Variants in KIAA2012 observed in about 807,000 individuals in gnomAD.
KIAA2012 encodes the protein KIAA2012.
A neutral mutation model predicts 150.6 loss-of-function variants in KIAA2012; 125 were observed. The observed-to-expected ratio is 0.83, with a 90% CI of 0.72 to 0.96. KIAA2012 has a LOEUF of 0.96. Among genes scored for constraint, KIAA2012 ranks in the 40% least tolerant of loss-of-function variants. The pLI is 0.00. For synonymous variants in KIAA2012, 462 were observed against 504.7 expected, an observed-to-expected ratio of 0.92 and a Z score of 1.13; for missense variants, 1,219 against 1,354.9, an observed-to-expected ratio of 0.90 and a Z score of 1.57.
intron 12 of KIAA2012, among the ~76,000 whole-genome samples, chr2:202,133,564 T>C (rs903247167): frequency 6.6e-6 from 1 of 152,216 alleles, no homozygotes; most frequent in Non-Finnish European, 1.5e-5. Flanking sequence ...GGTACTTCCA[T>C]ATTTAAATTC....
Position 202,113,421 on chromosome 2 carries a change from A to G in KIAA2012, c.1737A>G (p.Gln579=), listed in dbSNP as rs1164572949. Residue 579 remains glutamine, a synonymous_variant, in exon 11 of 24, where the codon CAA becomes CAG. Transcript: ENST00000498697. ...GCCTGTCCCTCCCAGGGCATACCCA[A>G]ACCGAGGCGCTTCCATCGGGTAAAG... ...KVCLSLPGHT[Q]TEALPSGKAY... 6.5e-7 allele frequency: 1 copy of G among 1,550,032 alleles called. No homozygotes were observed. The highest frequency in any genetic ancestry group is 1.2e-5 in the South Asian group (1 of 84,022).
intron 14 of KIAA2012, among the ~76,000 whole-genome samples, chr2:202,159,080 C>T (rs1691597949): frequency 6.6e-6 from 1 of 152,178 alleles, no homozygotes. Flanking sequence ...TGAGACCAGT[C>T]CCAAGCATTA....
chr2:202,109,868 T>A (rs1690301637), intron 10 of KIAA2012, 79 bp downstream of exon 10: 1 of 1,330,320 alleles, frequency 7.5e-7, no homozygotes, highest in Admixed American at 2.9e-5. Flanking sequence ...GCTGCTATGA[T>A]GTAAGTTTTC....
chr2:202,173,615 T>C (rs1454706119), intron 15 of KIAA2012, among the ~76,000 whole-genome samples: 2 of 152,162 alleles, frequency 1.3e-5, no homozygotes, highest in Non-Finnish European at 1.5e-5. Context: ...ATCTCACTTA[T>C]GATCAAACAT....
At chr2:202,120,284 G>A (rs1690626465) in intron 11 of KIAA2012, among the ~76,000 whole-genome samples, 1 of 152,192 alleles carries the variant, frequency 6.6e-6, no homozygotes, top group African/African-American at 2.4e-5. Flanking sequence ...GCTGAGGTGG[G>A]AGTATTGCTT....
chr2:202,194,485 T>G, intron 21 of KIAA2012, 123 bp downstream of exon 21: 2 of 1,018,670 alleles, frequency 2.0e-6, no homozygotes, highest in East Asian at 2.7e-5. Flanking sequence ...CTAAATAATA[T>G]AAACTATTTT....
Position 202,074,953 on chromosome 2 carries a change from C to A in KIAA2012, c.147C>A (p.Asn49Lys), listed in dbSNP as rs1689289836. 1 of 1,551,042 alleles carries A rather than the reference C, an allele frequency of 6.4e-7. No homozygotes were observed. The highest frequency in any genetic ancestry group is 8.7e-7 in the Non-Finnish European group (1 of 1,147,096). Reference sequence around the variant, plus strand: ...CTGTCAGCAAACCTCAAGATAAGAACAATGCCAGTCAGCACTCCTGGAGCC... The same window carrying A: ...CTGTCAGCAAACCTCAAGATAAGAAAAATGCCAGTCAGCACTCCTGGAGCC... ...YVPVSKPQDK[N>K]NASQHSWSLF... Residue 49 changes from asparagine to lysine, a missense_variant, in exon 2 of 24, where the codon AAC (asparagine) becomes AAA (lysine). Physicochemically the swap from Asn to Lys is moderately conservative, Grantham distance 94. Coordinates refer to ENST00000498697, the MANE Select transcript of KIAA2012 (RefSeq NM_001277372.4).
At chr2:202,152,748 G>T (rs981635210) in intron 13 of KIAA2012, among the ~76,000 whole-genome samples, 1 of 152,156 alleles carries the variant, frequency 6.6e-6, no homozygotes, top group Non-Finnish European at 1.5e-5. Context: ...TTTATCTCTA[G>T]CCACATTTCA....
Position 202,105,741 on chromosome 2 carries a change from G to GC in KIAA2012, c.1325-18dup. 6.5e-7 allele frequency: 1 copy of GC among 1,547,678 alleles called. No individual in the cohort carries two copies. The highest frequency in any genetic ancestry group is 2.0e-5 in the Admixed American group (1 of 50,892). On this transcript the variant is annotated intron_variant, in intron 8 of 23. Coordinates refer to ENST00000498697, the MANE Select transcript of KIAA2012 (RefSeq NM_001277372.4). ...AACAACAGACCTCTGCTACAATTCAGCCTCCTCTTTGTCTCCTAGGTGCTC... is the reference window on the plus strand; with the variant it reads ...AACAACAGACCTCTGCTACAATTCAGCCCTCCTCTTTGTCTCCTAGGTGCTC...
At chr2:202,128,658 G>A (rs1157658762) in intron 12 of KIAA2012, among the ~76,000 whole-genome samples, 1 of 151,654 alleles carries the variant, frequency 6.6e-6, no homozygotes, top group Non-Finnish European at 1.5e-5. Flanking sequence ...TACTGTCAGT[G>A]CAGCATAAGC....
chr2:202,101,509 T>C (rs540567011), intron 7 of KIAA2012, among the ~76,000 whole-genome samples: 5 of 152,028 alleles, frequency 3.3e-5, no homozygotes, highest in Non-Finnish European at 7.4e-5. Flanking sequence ...AGGAAAGGAG[T>C]CCCTTCCCTC....
chr2:202,192,168 T>C (rs1692335278), intron 19 of KIAA2012, among the ~76,000 whole-genome samples: 1 of 152,152 alleles, frequency 6.6e-6, no homozygotes, highest in South Asian at 2.1e-4. Flanking sequence ...ATCATCAGCA[T>C]TTCTTAGATT....
intron 12 of KIAA2012, among the ~76,000 whole-genome samples, chr2:202,129,696 T>A (rs1690879864): frequency 6.6e-6 from 1 of 152,064 alleles, no homozygotes; most frequent in African/African-American, 2.4e-5. Context: ...AGTGGCACGG[T>A]GTGGTGGCTC....
In KIAA2012 at chr2:202,089,930, CA is replaced by C. The variant is rs1428847317; in HGVS notation, c.370-835del. 2.0e-5 allele frequency among the ~76,000 whole-genome samples: 3 copies of C among 152,270 alleles called. No homozygotes were observed. The East Asian group carries it at 5.8e-4, about 29-fold the overall frequency. ...TGTTATATAATTTATGCCTCAGTTT[CA>C]AAAATGTTCTTAAGGAGAAAATGGA... On this transcript the variant is annotated intron_variant, in intron 2 of 23. Transcript: ENST00000498697.
chr2:202,089,953 T>A (rs951842965), intron 2 of KIAA2012, among the ~76,000 whole-genome samples: 5 of 152,364 alleles, frequency 3.3e-5, no homozygotes, highest in Admixed American at 1.3e-4. Flanking sequence ...AAGGAGAAAA[T>A]GGATTCTGAG....
In KIAA2012 at chr2:202,109,770, G is replaced by A. The variant is rs112687276; in HGVS notation, c.1632G>A (p.Arg544=). The stretch of plus-strand genomic sequence containing the variant: ...TCCCGAACATGAGAGTGCCCAGGAG[G>A]GCACTGCCAGCAGCTCAAGGTAATC... ...PSLPNMRVPR[R]ALPAAQEDSS... The change falls in exon 10 of 24, where the codon AGG becomes AGA. Residue 544 remains arginine, a synonymous_variant. Coordinates refer to ENST00000498697, the MANE Select transcript of KIAA2012 (RefSeq NM_001277372.4). The A allele has an allele frequency of 1.3e-6, 2 of 1,548,078 alleles. No homozygotes were observed. The highest frequency in any genetic ancestry group is 2.0e-5 in the Admixed American group (1 of 50,548).
intron 2 of KIAA2012, among the ~76,000 whole-genome samples, chr2:202,089,005 C>G (rs1271726018): frequency 6.6e-6 from 1 of 152,218 alleles, no homozygotes; most frequent in African/African-American, 2.4e-5. Context: ...CTTTCCCAAG[C>G]TTTCTCACAG....
At chr2:202,187,668 C>T (rs553188548) in intron 17 of KIAA2012, among the ~76,000 whole-genome samples, 1 of 152,200 alleles carries the variant, frequency 6.6e-6, no homozygotes, top group Non-Finnish European at 1.5e-5. Flanking sequence ...GCCATCCTCT[C>T]TTAGGAGGAA....
Position 202,173,999 on chromosome 2 carries a change from CTT to C in KIAA2012, c.2119+8644_2119+8645del, listed in dbSNP as rs1691944997. Among the ~76,000 whole-genome samples, 4 of 152,056 alleles carry C rather than the reference CTT, an allele frequency of 2.6e-5. No homozygotes were observed. In the South Asian group the frequency reaches 8.3e-4, roughly 31 times the overall value. On this transcript the variant is annotated intron_variant, in intron 15 of 23. Transcript: ENST00000498697. ...TTCTTTTTTGAGACACAGTTTTGCT[CTT>C]GTCGCCCAGACTGGAGTGCAACGGC...
Sources: allele counts gnomAD v4.1 joint callset (sites outside exome capture counted in the v4.1 genomes callset), GRCh38; gene constraint gnomAD v4.1.1; transcripts MANE v1.5; gene names NCBI Gene and HGNC (gene_info 2026-07-23, HGNC 2026-07-21).